The following STK32B variants were observed in gnomAD, a reference collection of about 807,000 sequenced individuals.
STK32B encodes serine/threonine kinase 32B, also known as serine/threonine-protein kinase 32B.
In STK32B, 43 loss-of-function variants were observed where a neutral mutation model predicts 52.6. That is an observed-to-expected ratio of 0.82 (90% CI 0.64 to 1.05). The LOEUF (loss-of-function observed/expected upper bound fraction) is 1.05. STK32B is among the 50% of genes least tolerant of loss of function. STK32B has a pLI of 0.00. For missense variants in STK32B, 621 were observed against 534.6 expected, an observed-to-expected ratio of 1.16 and a Z score of -1.59; for synonymous variants, 238 against 204.3, an observed-to-expected ratio of 1.17 and a Z score of -1.41.
chr4:5,216,787 C>T (rs1723207673), intron 3 of STK32B, among the ~76,000 whole-genome samples: 1 of 152,186 alleles, frequency 6.6e-6, no homozygotes, highest in African/African-American at 2.4e-5. Flanking sequence ...GCCATTAAAA[C>T]CCCACCAGGT....
At chr4:5,497,595 G>A (rs76334820) in intron 11 of STK32B, among the ~76,000 whole-genome samples, 1 of 152,206 alleles carries the variant, frequency 6.6e-6, no homozygotes, top group East Asian at 1.9e-4. Flanking sequence ...TTGGGGGAAG[G>A]AATGACCAAT....
intron 3 of STK32B, among the ~76,000 whole-genome samples, chr4:5,208,115 G>A (rs1577194972): frequency 1.3e-5 from 2 of 152,168 alleles, no homozygotes; most frequent in Admixed American, 1.3e-4. Context: ...TGGACTGGGA[G>A]AAGGCTCTGC....
At chr4:5,353,902 G>A (rs1197364215) in intron 4 of STK32B, among the ~76,000 whole-genome samples, 2 of 152,156 alleles carry the variant, frequency 1.3e-5, no homozygotes, top group Non-Finnish European at 2.9e-5. Context: ...AAAAGGAAAT[G>A]AATCAGTATA....
chr4:5,049,003 G>A (rs972602784), upstream of STK32B, among the ~76,000 whole-genome samples: 2 of 152,176 alleles, frequency 1.3e-5, no homozygotes, highest in Non-Finnish European at 2.9e-5. Context: ...CAATACACAT[G>A]CACGCTGTCA....
intron 5 of STK32B, among the ~76,000 whole-genome samples, chr4:5,415,467 A>G (rs1712081767): frequency 1.3e-5 from 2 of 152,188 alleles, no homozygotes; most frequent in African/African-American, 2.4e-5. Flanking sequence ...AGACAGGACC[A>G]TGGATGGTTG....
At chr4:5,181,531 T>C (rs1167990933) in intron 3 of STK32B, among the ~76,000 whole-genome samples, 2 of 152,238 alleles carry the variant, frequency 1.3e-5, no homozygotes, top group Admixed American at 6.5e-5. Context: ...TCTCCACTAT[T>C]ACTGCCATTA....
chr4:5,467,265 G>T lies in STK32B; in HGVS notation c.1041+431G>T, dbSNP rs920421858. The stretch of plus-strand genomic sequence containing the variant: ...ACATTGATTCTCTCACGGTTCTGGA[G>T]GCCAGAAATCCAAACTCAAGGTCTC... On this transcript the variant is annotated intron_variant, in intron 10 of 11. Transcript: ENST00000282908. The surrounding 1 kb of genome is among the most constrained non-coding windows in gnomAD (Gnocchi z 5.8). Among the ~76,000 whole-genome samples, 1 of 152,146 alleles carries T rather than the reference G, an allele frequency of 6.6e-6. No homozygotes were observed. The highest frequency in any genetic ancestry group is 2.4e-5 in the African/African-American group (1 of 41,442).
chr4:5,475,977 C>A (rs1002586308), intron 11 of STK32B, among the ~76,000 whole-genome samples: 1 of 151,922 alleles, frequency 6.6e-6, no homozygotes, highest in Non-Finnish European at 1.5e-5. Context: ...TCACTGCAAC[C>A]TCCGCCTCCC....
chr4:5,284,464 C>T (rs951205703), intron 3 of STK32B, among the ~76,000 whole-genome samples: 6 of 151,840 alleles, frequency 4.0e-5, no homozygotes, highest in African/African-American at 1.2e-4. Flanking sequence ...CTCAAGGGTT[C>T]GTATGGTTTT....
intron 3 of STK32B, among the ~76,000 whole-genome samples, chr4:5,247,194 G>A (rs1238978235): frequency 6.6e-6 from 1 of 152,230 alleles, no homozygotes; most frequent in East Asian, 1.9e-4. Context: ...AGGCAGGCAG[G>A]CCTCCTTGAG....
rs1031313340 is a variant in STK32B, at chr4:5,469,460, G to A, written c.1106+1390G>A. 6.6e-6 allele frequency among the ~76,000 whole-genome samples: 1 copy of A among 152,178 alleles called. No individual in the cohort carries two copies. The highest frequency in any genetic ancestry group is 1.5e-5 in the Non-Finnish European group (1 of 68,034). On this transcript the variant is annotated intron_variant, in intron 11 of 11. Transcript: ENST00000282908. The surrounding 1 kb of genome is among the most constrained non-coding windows in gnomAD (Gnocchi z 4.7). ...GGAAAACGCGGCATTCCAGGAGTAGGAAAAGTGCACAGAGAAGGAAGACAG... is the reference window on the plus strand; with the variant it reads ...GGAAAACGCGGCATTCCAGGAGTAGAAAAAGTGCACAGAGAAGGAAGACAG...
intron 6 of STK32B, among the ~76,000 whole-genome samples, chr4:5,419,605 C>G (rs985517254): frequency 6.6e-6 from 1 of 152,198 alleles, no homozygotes; most frequent in African/African-American, 2.4e-5. Flanking sequence ...GTTTTCTGGT[C>G]CATAGAATGC....
chr4:5,256,475 G>T (rs886839403), intron 3 of STK32B, among the ~76,000 whole-genome samples: 1 of 152,134 alleles, frequency 6.6e-6, no homozygotes, highest in Non-Finnish European at 1.5e-5. Context: ...ATTCTTCCCC[G>T]GCTCTAGCTT....
At chr4:5,122,282 CCATT>C (rs1715078745) in intron 1 of STK32B, among the ~76,000 whole-genome samples, 1 of 151,318 alleles carries the variant, frequency 6.6e-6, no homozygotes, top group South Asian at 2.1e-4. Context: ...ATTCACTCAC[CCATT>C]CACTCACCCA....
At chr4:5,403,230 A>G (rs1737430863) in intron 5 of STK32B, among the ~76,000 whole-genome samples, 1 of 151,936 alleles carries the variant, frequency 6.6e-6, no homozygotes, top group South Asian at 2.1e-4. Flanking sequence ...CACCTCCTTT[A>G]TCCGCTCTCC....
chr4:5,144,624 A>G (rs981248424), intron 2 of STK32B, among the ~76,000 whole-genome samples: 27 of 152,206 alleles, frequency 1.8e-4, no homozygotes, highest in Admixed American at 6.5e-5. Flanking sequence ...ATGATCTTGC[A>G]TGACACTCAT....
intron 11 of STK32B, among the ~76,000 whole-genome samples, chr4:5,484,051 GAA>G (rs1560452335): frequency 6.6e-6 from 1 of 152,112 alleles, no homozygotes; most frequent in Non-Finnish European, 1.5e-5. Context: ...ATGTGGAAAA[GAA>G]TGTATATTCT....
At position 5,486,292 on chromosome 4, in the gene STK32B, G is replaced by T. The variant is rs904707163; in HGVS notation, c.1107-12653G>T. The stretch of plus-strand genomic sequence containing the variant: ...TACTCAAGCCTTGGCAATGGCGGGC[G>T]CCCCACCCCCAACCTCGCTGCAGCC... On this transcript the variant is annotated intron_variant, in intron 11 of 11. Coordinates refer to ENST00000282908, the MANE Select transcript of STK32B (RefSeq NM_018401.3). 3.9e-5 allele frequency among the ~76,000 whole-genome samples: 6 copies of T among 152,258 alleles called. No homozygotes were observed. The South Asian group carries it at 1.2e-3, about 32-fold the overall frequency.
chr4:5,463,708 AG>A (rs1306363817), intron 9 of STK32B, among the ~76,000 whole-genome samples: 1 of 152,064 alleles, frequency 6.6e-6, no homozygotes. Flanking sequence ...AGTGAGCCTC[AG>A]CCCCACCCAC....
Sources: gnomAD v4.1 joint callset for allele counts (sites outside exome capture counted in the v4.1 genomes callset) on GRCh38, gnomAD v4.1.1 for gene constraint, Gnocchi (gnomAD v3.1) non-coding constraint, MANE v1.5 for transcripts, NCBI Gene and HGNC (gene_info 2026-07-23, HGNC 2026-07-21) for gene names.